ALG13: variants seen among roughly 807,000 people sequenced by gnomAD.
ALG13 encodes UDP-N-acetylglucosamine transferase subunit ALG13.
In ALG13, 11 loss-of-function variants were observed where a neutral mutation model predicts 87.8. The observed-to-expected ratio is 0.13, with a 90% CI of 0.08 to 0.21. The LOEUF is 0.21. Ranked by LOEUF, ALG13 falls within the 10% of genes least tolerant of loss-of-function variation. ALG13 has a pLI of 1.00. For synonymous variants in ALG13, 320 were observed against 306.3 expected (o/e 1.04, Z -0.47); for missense variants, 756 against 866.1 (o/e 0.87, Z 1.60).
chrX:111,700,751 A>ATTTTTTTTT (rs772630509), intron 3 of ALG13, among the ~76,000 whole-genome samples: 3 of 50,692 alleles, frequency 5.9e-5, no homozygotes, highest in African/African-American at 1.9e-4. Flanking sequence ...TAATTTTTGT[A>ATTTTTTTTT]TTTTTTTTTT....
intron 10 of ALG13, 40 bp from the exon 11 acceptor site, chrX:111,720,055 C>T: frequency 1.0e-6 from 1 of 997,081 alleles, no homozygotes. Context: ...GTAAATTCTT[C>T]ATTTATAAAA....
chrX:111,739,996 CCAGAACAATTAGAGG>C (rs1434872628), intron 23 of ALG13, among the ~76,000 whole-genome samples: 1 of 110,625 alleles, frequency 9.0e-6, no homozygotes, highest in Non-Finnish European at 1.9e-5. Flanking sequence ...GTATTGTGTA[CCAGAACAATTAGAGG>C]CAGAACAATT....
At chrX:111,742,162 ATT>A in intron 23 of ALG13, among the ~76,000 whole-genome samples, 1 of 111,599 alleles carries the variant, frequency 9.0e-6, no homozygotes, top group Non-Finnish European at 1.9e-5. Context: ...GATCTGGCTG[ATT>A]TTTAGTTGCT....
At chrX:111,681,741 C>G in intron 1 of ALG13, 1 of 828,299 alleles carries the variant, frequency 1.2e-6, no homozygotes, top group Non-Finnish European at 1.5e-6. Context: ...CGGCTCCTTC[C>G]CCTCAGCACT....
At position 111,728,261 on chromosome X, in the gene ALG13, A is replaced by T; in HGVS notation, c.2324A>T (p.Lys775Ile). 1 of 1,211,673 alleles carries T rather than the reference A, an allele frequency of 8.3e-7. No individual in the cohort carries two copies. Among genetic ancestry groups the T allele is most frequent in the South Asian group, 1.8e-5 (1 of 56,957 alleles). ...GGAAGGCGGGGACATAGCTCAGGCA[A>T]ACAGACTTTGAATTTAGAGGAGGGC... ...CVGRRGHSSGKQTLNLEEGNG... is the reference protein window; with the variant it reads ...CVGRRGHSSGIQTLNLEEGNG... Residue 775 changes from lysine (K) to isoleucine (I), a missense_variant, in exon 19 of 27, where the codon AAA becomes ATA. Around this residue, in one of 9 missense-constraint regions of ALG13, gnomAD observed 362 missense variants for 383.5 expected, o/e 0.94. Coordinates refer to ENST00000394780, the MANE Select transcript of ALG13 (RefSeq NM_001099922.3).
At chrX:111,712,616 A>G in intron 7 of ALG13, 86 bp downstream of exon 7, 1 of 489,655 alleles carries the variant, frequency 2.0e-6, no homozygotes, top group Non-Finnish European at 3.2e-6. Context: ...GATTGGGGAA[A>G]TTTGAGATTT....
At chrX:111,704,034 A>C (rs1349918212) in intron 3 of ALG13, among the ~76,000 whole-genome samples, 2 of 112,128 alleles carry the variant, frequency 1.8e-5, no homozygotes, top group Non-Finnish European at 3.8e-5. Flanking sequence ...TTGTCAGTTA[A>C]AAAAATTATT....
At chrX:111,736,554 T>A (rs977038929) in intron 22 of ALG13, among the ~76,000 whole-genome samples, 160 bp from the exon 23 acceptor site, 1 of 112,149 alleles carries the variant, frequency 8.9e-6, no homozygotes, top group African/African-American at 3.2e-5. Context: ...ACCTAAGATC[T>A]TCTGAAAGAA....
chrX:111,717,743 T>A lies in ALG13; in HGVS notation c.1006-103T>A, dbSNP rs1602691408. 7 of 515,085 alleles carry A rather than the reference T, an allele frequency of 1.4e-5. No individual in the cohort carries two copies. The East Asian group carries it at 2.7e-4, about 20-fold the overall frequency. The allele number at this position is 515,085 out of a possible 1,213,427, so 42.4% of individuals were successfully genotyped here. A position where few individuals can be genotyped will look rare whatever the true frequency, so the allele number is the denominator to read the frequency against. On this transcript the variant is annotated intron_variant, in intron 8 of 26. Transcript: ENST00000394780. ...CACTTTAAAAAAATTCAGTTAGTTA[T>A]CAGTTACTGACTACTGACTCAATTT...
rs1943109281 is a variant in ALG13 at position 111,735,109 on chromosome X, A to G, written c.2516A>G (p.Asn839Ser). The G allele has an allele frequency of 3.4e-6, 4 of 1,181,483 alleles. No individual in the cohort carries two copies. In the African/African-American group the frequency reaches 5.2e-5, roughly 15 times the overall value. Residue 839 changes from asparagine (N) to serine (S), a missense_variant, in exon 22 of 27, where the codon AAC becomes AGC. Asn to Ser is a conservative substitution (Grantham distance 46). Around this residue, in one of 9 missense-constraint regions of ALG13, gnomAD observed 362 missense variants for 383.5 expected, o/e 0.94. Transcript: ENST00000394780. ...MSPQDTVTSYNYPQKMMGNIA... is the reference protein window; with the variant it reads ...MSPQDTVTSYSYPQKMMGNIA... ...CCTCAGGACACAGTTACCTCATACAACTACCCCCAGAAGGTAATCCTCATA... is the reference window on the plus strand; with the variant it reads ...CCTCAGGACACAGTTACCTCATACAGCTACCCCCAGAAGGTAATCCTCATA...
At chrX:111,701,055 A>T (rs899998042) in intron 3 of ALG13, among the ~76,000 whole-genome samples, 1 of 111,206 alleles carries the variant, frequency 9.0e-6, no homozygotes, top group African/African-American at 3.3e-5. Flanking sequence ...CAGCCCCAGG[A>T]TAAATCCCAC....
chrX:111,750,989 T>C (rs1944684065), intron 24 of ALG13, among the ~76,000 whole-genome samples: 1 of 109,561 alleles, frequency 9.1e-6, no homozygotes, highest in Non-Finnish European at 1.9e-5. Flanking sequence ...TATTTTAAAA[T>C]TAAGGTATGT....
rs1335156968 is a variant in ALG13 at position 111,708,416 on chromosome X, C to T, written c.750+23C>T. The T allele has an allele frequency of 1.3e-5, 15 of 1,186,443 alleles. No homozygotes were observed. The African/African-American group carries it at 2.3e-4, about 18-fold the overall frequency. On this transcript the variant is annotated intron_variant, in intron 4 of 26. Coordinates refer to ENST00000394780, the MANE Select transcript of ALG13 (RefSeq NM_001099922.3). ...CAGGTAAAAGGAAAACATATCTTCC[C>T]TGTACTGAGTTTTCAGAGTTTGAGA... is the stretch of plus-strand genomic sequence containing the variant.
chrX:111,752,573 G>A (rs754224011), intron 24 of ALG13, among the ~76,000 whole-genome samples: 1 of 109,768 alleles, frequency 9.1e-6, no homozygotes, highest in Non-Finnish European at 1.9e-5. Flanking sequence ...CCGCCACCAC[G>A]TCCGGCTAAT....
chrX:111,728,128 C>T, intron 18 of ALG13, 57 bp from the exon 19 acceptor site: 1 of 1,200,433 alleles, frequency 8.3e-7, no homozygotes, highest in Admixed American at 2.2e-5. Flanking sequence ...ATCCCTCTAG[C>T]TTTTTTTTCT....
intron 3 of ALG13, among the ~76,000 whole-genome samples, chrX:111,705,007 A>C (rs1041346234): frequency 1.8e-5 from 2 of 111,856 alleles, no homozygotes; most frequent in Non-Finnish European, 3.8e-5. Flanking sequence ...AGCCCCGGGC[A>C]ACCACTTCAT....
At chrX:111,688,514 A>G in intron 3 of ALG13, 1 of 750,518 alleles carries the variant, frequency 1.3e-6, no homozygotes, top group African/African-American at 2.3e-5. Context: ...GATCTCTTGT[A>G]CTTGGAAAAG....
At chrX:111,689,499 C>G in intron 3 of ALG13, 3 of 753,927 alleles carry the variant, frequency 4.0e-6, no homozygotes, top group Non-Finnish European at 4.7e-6. Context: ...AATGCATAAC[C>G]TAAATTCCAT....
chrX:111,714,295 G>A (rs1470292707), intron 8 of ALG13: 2 of 110,755 alleles, frequency 1.8e-5, no homozygotes, highest in Non-Finnish European at 3.8e-5. Flanking sequence ...TTACAGCAAA[G>A]TGGTAAGTTT....
Sources: allele counts gnomAD v4.1 joint callset (sites outside exome capture counted in the v4.1 genomes callset), GRCh38; gene constraint gnomAD v4.1.1; regional missense constraint gnomAD v4.1.1; transcripts MANE v1.5; gene names NCBI Gene and HGNC (gene_info 2026-07-23, HGNC 2026-07-21).